The following CD86 variants were observed in gnomAD, a reference collection of about 807,000 sequenced individuals.
CD86 encodes T-lymphocyte activation antigen CD86.
Under a neutral mutation model 32.1 loss-of-function variants are expected in CD86, and 11 were observed. The ratio of observed to expected loss-of-function variants is 0.34; its 90% CI spans 0.22 to 0.57. The LOEUF is 0.57. Among genes scored for constraint, CD86 ranks in the 20% least tolerant of loss-of-function variants. CD86 has a pLI of 0.86. For missense variants in CD86, 359 were observed against 398.4 expected (o/e 0.90, Z 0.84); for synonymous variants, 137 against 135.3 (o/e 1.01, Z -0.09).
intron 2 of CD86, among the ~76,000 whole-genome samples, chr3:122,101,962 G>A (rs745630473): frequency 6.6e-6 from 1 of 152,038 alleles, no homozygotes; most frequent in Non-Finnish European, 1.5e-5. Context: ...GTACTTCACA[G>A]GGTCCTAGTG....
At chr3:122,085,455 G>A (rs2072701443) in intron 1 of CD86, among the ~76,000 whole-genome samples, 1 of 152,188 alleles carries the variant, frequency 6.6e-6, no homozygotes, top group African/African-American at 2.4e-5. Flanking sequence ...TGTGTGCCAG[G>A]TACAGAGAGT....
At chr3:122,117,843 A>G (rs994787769) in intron 5 of CD86, among the ~76,000 whole-genome samples, 2 of 152,258 alleles carry the variant, frequency 1.3e-5, no homozygotes, top group African/African-American at 4.8e-5. Flanking sequence ...AGGCACAGTG[A>G]GAAAGGGAAG....
rs187760775 is a variant in CD86 at position 122,120,879 on chromosome 3, G to C, written c.*1345G>C. ...CTGGGAGAAATGACTTTGAAAACCT[G>C]GCTCTAAGGTGGGATCACTAAGGGA... On this transcript the variant is annotated 3_prime_UTR_variant, in exon 7 of 7. Transcript: ENST00000330540. The C allele has an allele frequency of 6.6e-6, 1 of 152,248 alleles. No individual in the cohort carries two copies. Among genetic ancestry groups the C allele is most frequent in the East Asian group, 1.9e-4 (1 of 5,212 alleles). The allele number at this position is 152,248 out of a possible 1,614,324, so 9.4% of individuals were successfully genotyped here.
chr3:122,096,868 T>C (rs1311919620), intron 2 of CD86, among the ~76,000 whole-genome samples: 1 of 152,266 alleles, frequency 6.6e-6, no homozygotes, highest in Non-Finnish European at 1.5e-5. Flanking sequence ...CCATTTAACT[T>C]ATTTCCAGTG....
intron 1 of CD86, among the ~76,000 whole-genome samples, chr3:122,071,536 G>A (rs1450501654): frequency 1.3e-5 from 2 of 152,116 alleles, no homozygotes; most frequent in African/African-American, 4.8e-5. Context: ...GGGCATCTTA[G>A]TTGCTAATTA....
chr3:122,101,493 C>T (rs1446149313), intron 2 of CD86, among the ~76,000 whole-genome samples: 2 of 17,418 alleles, frequency 1.1e-4, no homozygotes, highest in Admixed American at 7.7e-4. Context: ...TGAGGCTCTA[C>T]AGAAAAAAAA....
At chr3:122,093,032 ATGACC>A (rs1384118502) in intron 2 of CD86, among the ~76,000 whole-genome samples, 1 of 152,180 alleles carries the variant, frequency 6.6e-6, no homozygotes, top group Non-Finnish European at 1.5e-5. Flanking sequence ...CCCAGGGCCC[ATGACC>A]TGCTACCTTA....
At chr3:122,083,125 TCAAA>T (rs2072657389) in intron 1 of CD86, among the ~76,000 whole-genome samples, 1 of 152,200 alleles carries the variant, frequency 6.6e-6, no homozygotes, top group Non-Finnish European at 1.5e-5. Context: ...CTTCTTTCAC[TCAAA>T]CAATTGCAGT....
In CD86 at chr3:122,091,476, A is replaced by G. The variant is rs2072818977; in HGVS notation, c.15-125A>G. 8.1e-6 allele frequency: 6 copies of G among 740,086 alleles called. No homozygotes were observed. In the Admixed American group the frequency reaches 1.2e-4, roughly 15 times the overall value. The allele number at this position is 740,086 out of a possible 1,614,324, so 45.8% of individuals were successfully genotyped here. On this transcript the variant is annotated intron_variant, in intron 1 of 6. Coordinates refer to ENST00000330540, the MANE Select transcript of CD86 (RefSeq NM_175862.5). ...GAAATGGCTTTGATGAAGCCCTGGC[A>G]TTGTCTCTGCACACCCGAGAACCCA...
intron 5 of CD86, among the ~76,000 whole-genome samples, chr3:122,113,441 T>C (rs954007483): frequency 1.3e-5 from 2 of 152,238 alleles, no homozygotes; most frequent in Non-Finnish European, 2.9e-5. Flanking sequence ...CTGTTTTCCA[T>C]AGTGTTTGTA....
Position 122,065,792 on chromosome 3 carries a change from T to C in CD86, c.14+10289T>C, listed in dbSNP as rs532125811. On this transcript the variant is annotated intron_variant, in intron 1 of 6. Transcript: ENST00000330540. ...CAACTCCTTTGAGGAAATAAGATTC[T>C]AAGGAAAAGGCCGTTTGCATTCTGC... Among the ~76,000 whole-genome samples the C allele has an allele frequency of 1.8e-3, 280 of 152,158 alleles. 2 individuals are homozygous for C. Among genetic ancestry groups the C allele is most frequent in the African/African-American group, 6.6e-3 (273 of 41,502 alleles).
intron 1 of CD86, among the ~76,000 whole-genome samples, chr3:122,070,603 C>T (rs1261899694): frequency 6.6e-6 from 1 of 152,156 alleles, no homozygotes; most frequent in Non-Finnish European, 1.5e-5. Context: ...TAAGAATGTT[C>T]CTTCAGAAAC....
At chr3:122,059,037 C>T (rs548193535) in intron 1 of CD86, among the ~76,000 whole-genome samples, 32 of 152,172 alleles carry the variant, frequency 2.1e-4, no homozygotes, top group East Asian at 1.9e-3. Flanking sequence ...AGTGGGTTTG[C>T]GCCAGGCAGA....
At chr3:122,090,317 G>A (rs974181387) in intron 1 of CD86, among the ~76,000 whole-genome samples, 1 of 152,318 alleles carries the variant, frequency 6.6e-6, no homozygotes, top group African/African-American at 2.4e-5. Context: ...AGACAACACC[G>A]TCTGGGGCAT....
intron 2 of CD86, among the ~76,000 whole-genome samples, chr3:122,093,743 C>T (rs2072864347): frequency 6.6e-6 from 1 of 152,120 alleles, no homozygotes; most frequent in Admixed American, 6.5e-5. Context: ...GTTCTAAGTA[C>T]CTCATAAATA....
In CD86 at chr3:122,104,705, C is replaced by T. The variant is rs1045246274; in HGVS notation, c.400+858C>T. Among the ~76,000 whole-genome samples the T allele has an allele frequency of 2.6e-5, 4 of 152,280 alleles. No individual in the cohort carries two copies. In the South Asian group the frequency reaches 8.3e-4, roughly 32 times the overall value. ...ATAAGTGAAGCCACACAGTATGTAA[C>T]CTTTTAAGCCTGGCTTCTTTCGTTT... is the stretch of plus-strand genomic sequence containing the variant. On this transcript the variant is annotated intron_variant, in intron 3 of 6. Coordinates refer to ENST00000330540, the MANE Select transcript of CD86 (RefSeq NM_175862.5).
At chr3:122,094,985 G>C (rs568485133) in intron 2 of CD86, among the ~76,000 whole-genome samples, 249 of 152,310 alleles carry the variant, frequency 1.6e-3, no homozygotes, top group African/African-American at 5.3e-3. Flanking sequence ...TGGAGCCAGA[G>C]AGGTTTTTGA....
At chr3:122,089,592 T>C (rs1237996399) in intron 1 of CD86, among the ~76,000 whole-genome samples, 1 of 152,222 alleles carries the variant, frequency 6.6e-6, no homozygotes, top group Non-Finnish European at 1.5e-5. Context: ...AAAAGGTACA[T>C]GAAAATAAGC....
chr3:122,089,340 TA>T (rs1307506389), intron 1 of CD86, among the ~76,000 whole-genome samples: 18 of 152,240 alleles, frequency 1.2e-4, no homozygotes, highest in African/African-American at 4.3e-4. Context: ...ATGCCACAAC[TA>T]ATAAAGATTT....
Sources: gnomAD v4.1 joint callset for allele counts (sites outside exome capture counted in the v4.1 genomes callset) on GRCh38, gnomAD v4.1.1 for gene constraint, MANE v1.5 for transcripts, NCBI Gene and HGNC (gene_info 2026-07-23, HGNC 2026-07-21) for gene names.